SUN3: variants seen among roughly 807,000 people sequenced by gnomAD.
SUN3 encodes the protein Sad1 and UNC84 domain containing 3.
Under a neutral mutation model 48.2 loss-of-function variants are expected in SUN3, and 36 were observed. The observed-to-expected ratio is 0.75, with a 90% CI of 0.57 to 0.99. The LOEUF is 0.99. Ranked by LOEUF, SUN3 falls within the 50% of genes least tolerant of loss-of-function variation. The pLI is 0.00. For missense variants in SUN3, 419 were observed against 433.1 expected, an observed-to-expected ratio of 0.97 and a Z score of 0.29; for synonymous variants, 148 against 147.9, an observed-to-expected ratio of 1.00 and a Z score of 0.00.
intron 2 of SUN3, among the ~76,000 whole-genome samples, chr7:48,019,540 C>T (rs1255903064): frequency 6.6e-6 from 1 of 151,742 alleles, no homozygotes; most frequent in Non-Finnish European, 1.5e-5. Context: ...AACTGACAAA[C>T]CTTTAGCCAG....
intron 2 of SUN3, among the ~76,000 whole-genome samples, 192 bp downstream of exon 2, chr7:48,025,685 T>C (rs1790114594): frequency 6.6e-6 from 1 of 152,230 alleles, no homozygotes; most frequent in South Asian, 2.1e-4. Context: ...CTAAATTTTC[T>C]ATTAAAAAGC....
intron 8 of SUN3, among the ~76,000 whole-genome samples, chr7:47,990,733 T>C (rs1051531336): frequency 1.3e-5 from 2 of 152,026 alleles, no homozygotes; most frequent in Non-Finnish European, 2.9e-5. Context: ...TGTTGGGTTT[T>C]TTTAAGAAAC....
chr7:48,021,514 A>C (rs192104339), intron 2 of SUN3, among the ~76,000 whole-genome samples: 83 of 151,312 alleles, frequency 5.5e-4, no homozygotes, highest in Admixed American at 3.3e-3. Flanking sequence ...CCATCTGACA[A>C]GGGATTAATA....
intron 3 of SUN3, among the ~76,000 whole-genome samples, chr7:48,010,103 A>G (rs1485855037): frequency 6.8e-6 from 1 of 146,646 alleles, no homozygotes; most frequent in Non-Finnish European, 1.5e-5. Context: ...ACACACACAA[A>G]CACACACACT....
chr7:47,997,843 T>C (rs1789254733), intron 6 of SUN3, among the ~76,000 whole-genome samples: 1 of 152,250 alleles, frequency 6.6e-6, no homozygotes, highest in Admixed American at 6.5e-5. Flanking sequence ...TCACAGTATG[T>C]AGCCTTTTCA....
At chr7:47,995,194 G>A (rs893921819) in intron 7 of SUN3, among the ~76,000 whole-genome samples, 2 of 151,728 alleles carry the variant, frequency 1.3e-5, no homozygotes, top group African/African-American at 2.4e-5. Context: ...TGGTGGTGAT[G>A]ATGATGGACA....
At chr7:48,022,340 A>G (rs993979875) in intron 2 of SUN3, among the ~76,000 whole-genome samples, 1 of 152,046 alleles carries the variant, frequency 6.6e-6, no homozygotes, top group African/African-American at 2.4e-5. Flanking sequence ...AATAAATAAG[A>G]CGTACTATTT....
the SUN3 span, chr7:48,035,552 T>G: frequency 1.4e-6 from 1 of 698,542 alleles, no homozygotes; most frequent in South Asian, 1.5e-5. The surrounding 1 kb of genome is among the most constrained non-coding windows in gnomAD (Gnocchi z 4.0). Flanking sequence ...TGGGTTTGGT[T>G]GGCTGCAGCC....
upstream of SUN3, among the ~76,000 whole-genome samples, chr7:48,033,644 C>T (rs987852780): frequency 6.6e-6 from 1 of 152,168 alleles, no homozygotes; most frequent in Non-Finnish European, 1.5e-5. Context: ...ATGATTTCAG[C>T]CAGTCAAGAA....
rs200449194 is a variant in SUN3 at position 47,987,368 on chromosome 7, G to A, written c.1036C>T (p.Arg346Ter). 1.7e-5 allele frequency: 28 copies of A among 1,611,806 alleles called. No homozygotes were observed. The highest frequency in any genetic ancestry group is 2.2e-5 in the South Asian group (2 of 90,794). Reference protein sequence around the residue: ...WGHPKYTCLYRFRVHGTPGKH... With the variant: ...WGHPKYTCLY ...CCTGGTGTGCCATGGACCCTGAATC[G>A]ATATAAACAAGTATACTTCGGGTGT... is the stretch of plus-strand genomic sequence containing the variant. The change falls in exon 10 of 10, where the codon CGA becomes TGA. Residue 346 changes from arginine (R) to a stop codon, truncating the protein, a stop_gained. Transcript: ENST00000297325. LOFTEE classifies it high-confidence loss of function.
chr7:47,994,539 A>G (rs1789152109), intron 7 of SUN3, 57 bp from the exon 8 acceptor site: 3 of 1,507,080 alleles, frequency 2.0e-6, no homozygotes, highest in Non-Finnish European at 2.7e-6. Flanking sequence ...CATTCCCACA[A>G]TACTGGTCAG....
intron 6 of SUN3, among the ~76,000 whole-genome samples, chr7:48,003,220 T>C (rs1304930438): frequency 6.6e-6 from 1 of 152,208 alleles, no homozygotes; most frequent in Non-Finnish European, 1.5e-5. Flanking sequence ...GAAGATTAGA[T>C]AGTTGTAAGT....
chr7:48,026,581 A>AAC (rs112192395), intron 1 of SUN3, among the ~76,000 whole-genome samples: 14,034 of 145,630 alleles, frequency 0.096, 1,683 homozygotes, highest in African/African-American at 0.29. Flanking sequence ...CCCACCCCCC[A>AAC]ACACACACAC....
At chr7:48,030,540 C>G (rs771581459), upstream of SUN3, among the ~76,000 whole-genome samples, 3 of 152,176 alleles carry the variant, frequency 2.0e-5, no homozygotes, top group Non-Finnish European at 4.4e-5. Flanking sequence ...ATAAACTGTG[C>G]TCTGCATCTT....
chr7:48,024,910 C>T (rs1046118853), intron 2 of SUN3, among the ~76,000 whole-genome samples: 10 of 152,174 alleles, frequency 6.6e-5, no homozygotes, highest in African/African-American at 2.2e-4. Context: ...ACCTGCAACA[C>T]TGGGGTTCAA....
intron 8 of SUN3, chr7:47,989,107 C>T: frequency 8.0e-6 from 3 of 374,700 alleles, no homozygotes; most frequent in Non-Finnish European, 1.4e-5. Flanking sequence ...GACACACAGA[C>T]AGATAGATAG....
chr7:48,029,017 A>AAT lies in SUN3; in HGVS notation c.-80_-79insAT. 6.3e-7 allele frequency: 1 copy of AAT among 1,589,196 alleles called. No homozygotes were observed. The highest frequency in any genetic ancestry group is 8.6e-7 in the Non-Finnish European group (1 of 1,168,526). On this transcript the variant is annotated 5_prime_UTR_variant, in exon 1 of 10. The change creates a premature stop within an existing upstream ORF in the 5' untranslated region. Transcript: ENST00000297325. Reference sequence around the variant, plus strand: ...CATTCCTATTTTATGAAAAACATGAAGCTATACATACAGTTTCTAAATTTG... The same window carrying AAT: ...CATTCCTATTTTATGAAAAACATGAAATGCTATACATACAGTTTCTAAATTTG...
intron 6 of SUN3, among the ~76,000 whole-genome samples, chr7:48,001,522 GTTTTTTTTGTTTTTTTT>G (rs1158997212): frequency 8.2e-6 from 1 of 121,888 alleles, no homozygotes; most frequent in East Asian, 2.3e-4. Context: ...TGTCTTTTCT[GTTTTTTTTGTTTTTTTT>G]TTTTTTTTTT....
At chr7:48,032,237 A>T (rs1192306992), upstream of SUN3, among the ~76,000 whole-genome samples, 1 of 152,218 alleles carries the variant, frequency 6.6e-6, no homozygotes, top group Non-Finnish European at 1.5e-5. Context: ...CTTGAAATGT[A>T]TTGAGGGAGT....
Sources: gnomAD v4.1 joint callset for allele counts (sites outside exome capture counted in the v4.1 genomes callset) on GRCh38, gnomAD v4.1.1 for gene constraint, Gnocchi (gnomAD v3.1) non-coding constraint, MANE v1.5 for transcripts, NCBI Gene and HGNC (gene_info 2026-07-23, HGNC 2026-07-21) for gene names.